Variants in GPC5 observed in about 807,000 individuals in gnomAD.
GPC5 encodes glypican-5.
In GPC5, 47 loss-of-function variants were observed where a neutral mutation model predicts 53.9. The observed-to-expected ratio is 0.87, with a 90% CI of 0.69 to 1.11. The LOEUF is 1.11. Ranked by LOEUF, GPC5 falls within the 50% of genes most tolerant of loss-of-function variation. GPC5 has a pLI of 0.00. For missense variants in GPC5, 748 were observed against 713.1 expected, an observed-to-expected ratio of 1.05 and a Z score of -0.56; for synonymous variants, 286 against 263.3, an observed-to-expected ratio of 1.09 and a Z score of -0.84.
intron 5 of GPC5, among the ~76,000 whole-genome samples, chr13:91,866,075 T>C (rs2039081255): frequency 1.3e-5 from 2 of 152,000 alleles, no homozygotes; most frequent in African/African-American, 4.8e-5. Flanking sequence ...TCCATGTTGG[T>C]CAGGCTGGTC....
chr13:92,289,825 A>G (rs1461270722), intron 7 of GPC5, among the ~76,000 whole-genome samples: 2 of 151,892 alleles, frequency 1.3e-5, no homozygotes, highest in Non-Finnish European at 2.9e-5. Context: ...ATATTTTTAT[A>G]TTTTTATTTT....
chr13:92,746,622 C>T (rs574652531), intron 7 of GPC5, among the ~76,000 whole-genome samples: 6 of 152,088 alleles, frequency 3.9e-5, no homozygotes, highest in Non-Finnish European at 8.8e-5. Flanking sequence ...TGAACTTCAT[C>T]AGAGTTTACA....
At chr13:92,343,707 A>G (rs1382279921) in intron 7 of GPC5, among the ~76,000 whole-genome samples, 1 of 152,174 alleles carries the variant, frequency 6.6e-6, no homozygotes, top group East Asian at 1.9e-4. Context: ...TCAATAAAAT[A>G]CTAGTGGTTT....
intron 4 of GPC5, among the ~76,000 whole-genome samples, chr13:91,745,529 A>G (rs1352985987): frequency 1.3e-5 from 2 of 151,998 alleles, no homozygotes; most frequent in East Asian, 3.9e-4. Context: ...TTGTTTTGAA[A>G]TCACAGTAAA....
chr13:91,698,339 A>T (rs904301033), intron 3 of GPC5, among the ~76,000 whole-genome samples: 2 of 152,204 alleles, frequency 1.3e-5, no homozygotes, highest in African/African-American at 4.8e-5. Flanking sequence ...TTTACGGTGA[A>T]TTGTATAATA....
intron 7 of GPC5, among the ~76,000 whole-genome samples, chr13:92,259,662 A>G (rs1352647333): frequency 6.6e-6 from 1 of 152,096 alleles, no homozygotes; most frequent in Non-Finnish European, 1.5e-5. Context: ...TAATGTTCTT[A>G]CCTGACTTAT....
intron 7 of GPC5, among the ~76,000 whole-genome samples, chr13:92,670,893 T>C (rs17267292): frequency 0.22 from 33,635 of 152,072 alleles, 4,382 homozygotes; most frequent in South Asian, 0.36. Flanking sequence ...ACATGACTAC[T>C]TTTTGTGGCA....
intron 7 of GPC5, among the ~76,000 whole-genome samples, chr13:92,217,264 G>T (rs1444683694): frequency 2.0e-5 from 3 of 152,154 alleles, no homozygotes; most frequent in Non-Finnish European, 4.4e-5. Flanking sequence ...AAGGTTCTTT[G>T]CTTAACAAAA....
At chr13:92,248,629 TCAAA>T (rs2042670039) in intron 7 of GPC5, among the ~76,000 whole-genome samples, 1 of 152,154 alleles carries the variant, frequency 6.6e-6, no homozygotes, top group South Asian at 2.1e-4. Context: ...TCTCCATTCT[TCAAA>T]CAATTATTAT....
chr13:92,038,673 TATAGATAGATAGATAG>T lies in GPC5; in HGVS notation c.1402-106128_1402-106113del, dbSNP rs56923365. ...CAATAAACACTTTAGTACAAATCTATATAGATAGATAGATAGATAGATAGATAGATAGATAGATAGA... is the reference window on the plus strand; with the variant it reads ...CAATAAACACTTTAGTACAAATCTATATAGATAGATAGATAGATAGATAGA... On this transcript the variant is annotated intron_variant, in intron 6 of 7. Transcript: ENST00000377067. Among the ~76,000 whole-genome samples the T allele has an allele frequency of 1.2e-3, 178 of 147,918 alleles. 1 individual carries two copies. The highest frequency in any genetic ancestry group is 3.5e-3 in the Middle Eastern group (1 of 282).
At chr13:91,805,391 A>G (rs2038204171) in intron 5 of GPC5, among the ~76,000 whole-genome samples, 1 of 152,216 alleles carries the variant, frequency 6.6e-6, no homozygotes, top group Non-Finnish European at 1.5e-5. Flanking sequence ...AAAGGAAAAT[A>G]TAATATTTTA....
At position 91,827,966 on chromosome 13, in the gene GPC5, A is replaced by C. The variant is rs2138848182; in HGVS notation, c.1280+71546A>C. On this transcript the variant is annotated intron_variant, in intron 5 of 7. Transcript: ENST00000377067. The stretch of plus-strand genomic sequence containing the variant: ...CCATCAACAGCAGAAAAGATAACCA[A>C]ACTTGTGTATTTACACAATGAATTC... 1.3e-5 allele frequency among the ~76,000 whole-genome samples: 2 copies of C among 152,178 alleles called. 1 individual carries two copies.
chr13:92,558,681 C>A (rs1040588573), intron 7 of GPC5, among the ~76,000 whole-genome samples: 1 of 151,914 alleles, frequency 6.6e-6, no homozygotes, highest in Non-Finnish European at 1.5e-5. Context: ...CTGTACACTT[C>A]CTAAGATCAT....
At chr13:92,617,124 T>C (rs1884715675) in intron 7 of GPC5, among the ~76,000 whole-genome samples, 1 of 152,182 alleles carries the variant, frequency 6.6e-6, no homozygotes, top group African/African-American at 2.4e-5. Context: ...GCATGGTCAT[T>C]TGGCTTGCTG....
intron 2 of GPC5, among the ~76,000 whole-genome samples, chr13:91,627,990 C>T (rs1468409728): frequency 5.9e-5 from 9 of 152,014 alleles, no homozygotes; most frequent in Non-Finnish European, 7.4e-5. Flanking sequence ...TCTTTGGACT[C>T]TTTTATTAAG....
At chr13:92,809,376 A>AGCAT (rs1304288420) in intron 7 of GPC5, among the ~76,000 whole-genome samples, 3 of 152,186 alleles carry the variant, frequency 2.0e-5, no homozygotes, top group Admixed American at 1.3e-4. Context: ...TGCTTCACAA[A>AGCAT]GCATGCTCAC....
At chr13:92,776,472 T>A (rs1875810370) in intron 7 of GPC5, among the ~76,000 whole-genome samples, 1 of 152,182 alleles carries the variant, frequency 6.6e-6, no homozygotes, top group African/African-American at 2.4e-5. Flanking sequence ...TTCCTTAACT[T>A]AATCACATCT....
rs114756958 is a variant in GPC5 at position 92,403,660 on chromosome 13, C to G, written c.1561+258671C>G. ...TCCTTGGTGCCAAAAAGGTTGGGGA[C>G]CACTGTGCTAAAGCATTCTAGAGCC... is the stretch of plus-strand genomic sequence containing the variant. On this transcript the variant is annotated intron_variant, in intron 7 of 7. Transcript: ENST00000377067. Among the ~76,000 whole-genome samples, 819 of 152,280 alleles carry G rather than the reference C, an allele frequency of 5.4e-3. 9 individuals are homozygous for G. Among genetic ancestry groups the G allele is most frequent in the African/African-American group, 0.019 (787 of 41,542 alleles).
intron 7 of GPC5, among the ~76,000 whole-genome samples, chr13:92,743,754 C>T (rs879763318): frequency 2.0e-4 from 30 of 152,022 alleles, no homozygotes; most frequent in Non-Finnish European, 3.4e-4. Context: ...TTTTGATATT[C>T]GTCCCATCAA....
Sources: gnomAD v4.1 joint callset for allele counts (sites outside exome capture counted in the v4.1 genomes callset) on GRCh38, gnomAD v4.1.1 for gene constraint, MANE v1.5 for transcripts, NCBI Gene and HGNC (gene_info 2026-07-23, HGNC 2026-07-21) for gene names.